AKR7A3: variants seen among roughly 807,000 people sequenced by gnomAD.
AKR7A3 encodes AFB1 aldehyde reductase 2.
Under a neutral mutation model 32.5 loss-of-function variants are expected in AKR7A3, and 37 were observed. That is an observed-to-expected ratio of 1.14 (90% CI 0.88 to 1.50). The LOEUF (loss-of-function observed/expected upper bound fraction) is 1.50, where lower values mean the gene tolerates loss of function less well. Ranked by LOEUF, AKR7A3 falls within the 40% of genes most tolerant of loss-of-function variation. The probability of loss-of-function intolerance (pLI) is 0.00; values close to 1 mark genes in which losing one functional copy is unlikely to be tolerated. For missense variants in AKR7A3, 412 were observed against 453.2 expected (o/e 0.91, Z 0.83); for synonymous variants, 177 against 188.4 (o/e 0.94, Z 0.50).
At chr1:19,275,857 C>A in the AKR7A3 span, among the ~76,000 whole-genome samples, 3 of 151,682 alleles carry the variant, frequency 2.0e-5, no homozygotes, top group Non-Finnish European at 4.4e-5. Flanking sequence ...AAAGAGGGAC[C>A]TATCATAATG....
At chr1:19,274,360 G>C in the AKR7A3 span, among the ~76,000 whole-genome samples, 1 of 151,894 alleles carries the variant, frequency 6.6e-6, no homozygotes, top group South Asian at 2.1e-4. Context: ...GTCCGCAAGG[G>C]TGAGGGGGTC....
At position 19,286,121 on chromosome 1, in the gene AKR7A3, C is replaced by G. The variant is rs1442133393; in HGVS notation, c.402+64G>C. On this transcript the variant is annotated intron_variant, in intron 2 of 6. Transcript: ENST00000361640. ...AACAGCCCTGGTGCCTCTGCTCTCA[C>G]CATTAGGATCAGGATAAGGAGAGCA... 2.8e-5 allele frequency: 45 copies of G among 1,597,104 alleles called. No individual in the cohort carries two copies. The Middle Eastern group carries it at 5.5e-4, about 19-fold the overall frequency.
At chr1:19,280,563 G>GTTTCT (rs796902568), downstream of AKR7A3, among the ~76,000 whole-genome samples, 26 of 141,994 alleles carry the variant, frequency 1.8e-4, 1 homozygote, top group East Asian at 6.4e-4. Flanking sequence ...GGTTCTTTTC[G>GTTTCT]TTTCTTTTCT....
At chr1:19,274,899 C>CAAAAAAA in the AKR7A3 span, among the ~76,000 whole-genome samples, 21 of 44,312 alleles carry the variant, frequency 4.7e-4, 1 homozygote, top group African/African-American at 1.4e-3. Context: ...TCTCTAAATA[C>CAAAAAAA]AAAAAAAAAA....
At chr1:19,287,352 T>G (rs2093732540) in intron 1 of AKR7A3, among the ~76,000 whole-genome samples, 1 of 149,978 alleles carries the variant, frequency 6.7e-6, no homozygotes. Context: ...TCTCACTGAG[T>G]GGCAGCCGGG....
intron 1 of AKR7A3, among the ~76,000 whole-genome samples, chr1:19,286,691 C>A (rs1236155065): frequency 6.6e-6 from 1 of 151,556 alleles, no homozygotes; most frequent in African/African-American, 2.4e-5. Flanking sequence ...AACAAACAAA[C>A]AAAACAAACA....
At position 19,288,485 on chromosome 1, in the gene AKR7A3, G is replaced by T. The variant is rs773240088; in HGVS notation, c.214+11C>A. Reference sequence around the variant, plus strand: ...GCACCGTGCAGGGGGAGGATCAGGGGCCACTGTTACCTCTGCAGTCGCTGC... The same window carrying T: ...GCACCGTGCAGGGGGAGGATCAGGGTCCACTGTTACCTCTGCAGTCGCTGC... On this transcript the variant is annotated intron_variant, in intron 1 of 6. Transcript: ENST00000361640. 5.0e-6 allele frequency: 8 copies of T among 1,610,050 alleles called. No homozygotes were observed. The highest frequency in any genetic ancestry group is 1.3e-5 in the African/African-American group (1 of 74,942).
At chr1:19,276,360 C>CA in the AKR7A3 span, among the ~76,000 whole-genome samples, 90,109 of 111,198 alleles carry the variant, frequency 0.81, 36,261 homozygotes, top group South Asian at 0.86. Context: ...GACTCCATCT[C>CA]AAAAAAAAAA....
chr1:19,277,154 G>C, the AKR7A3 span, among the ~76,000 whole-genome samples: 1 of 151,454 alleles, frequency 6.6e-6, no homozygotes, highest in Non-Finnish European at 1.5e-5. Context: ...AAATTTGAAA[G>C]GATTTAAATA....
chr1:19,277,784 G>T (rs2093713276), downstream of AKR7A3, among the ~76,000 whole-genome samples: 5 of 151,910 alleles, frequency 3.3e-5, no homozygotes, highest in South Asian at 1.0e-3. Flanking sequence ...GCCTCCCAAA[G>T]TGCTGGGATT....
rs1284774566 is a variant in AKR7A3 at position 19,285,075 on chromosome 1, G to A, written c.547C>T (p.Leu183Phe). Residue 183 changes from leucine to phenylalanine, a missense_variant, in exon 4 of 7, where the codon CTC becomes TTC. Transcript: ENST00000361640. ...NAITRQVETE[L>F]FPCLRHFGLR... ...CCAAAGTGCCTGAGGCAGGGGAAGA[G>A]CTCCGTTTCCACCTGCCGGGTGATG... is the stretch of plus-strand genomic sequence containing the variant. 6.2e-7 allele frequency: 1 copy of A among 1,613,472 alleles called. No individual in the cohort carries two copies. Among genetic ancestry groups the A allele is most frequent in the Non-Finnish European group, 8.5e-7 (1 of 1,179,842 alleles).
In AKR7A3 at chr1:19,285,894, C is replaced by T; in HGVS notation, c.501G>A (p.Val167=). The T allele has an allele frequency of 6.2e-7, 1 of 1,613,678 alleles. No individual in the cohort carries two copies. The highest frequency in any genetic ancestry group is 8.5e-7 in the Non-Finnish European group (1 of 1,179,860). ...CKSNGWILPT[V]YQGMYNAITR... ...CTGCAGCCCTGGCTCTCACCTGGTACACAGTGGGCAGGATCCAGCCGTTGC... is the reference window on the plus strand; with the variant it reads ...CTGCAGCCCTGGCTCTCACCTGGTATACAGTGGGCAGGATCCAGCCGTTGC... The change falls in exon 3 of 7, where the codon GTG becomes GTA. Residue 167 remains valine (V), a synonymous_variant. Coordinates refer to ENST00000361640, the MANE Select transcript of AKR7A3 (RefSeq NM_012067.3).
chr1:19,278,486 AG>A (rs1016017421), downstream of AKR7A3, among the ~76,000 whole-genome samples: 20 of 151,736 alleles, frequency 1.3e-4, no homozygotes, highest in Non-Finnish European at 2.9e-4. Flanking sequence ...GGTTGAACCC[AG>A]GAGGCGGAGG....
At position 19,284,485 on chromosome 1, in the gene AKR7A3, C is replaced by A. The variant is rs74058530; in HGVS notation, c.704+201G>T. On this transcript the variant is annotated intron_variant, in intron 5 of 6. Coordinates refer to ENST00000361640, the MANE Select transcript of AKR7A3 (RefSeq NM_012067.3). Reference sequence around the variant, plus strand: ...CAGGAAAGAGCAACGACTTCAAGACCCCGAGGTCCAGGGAGTCTCCTTTCC... The same window carrying A: ...CAGGAAAGAGCAACGACTTCAAGACACCGAGGTCCAGGGAGTCTCCTTTCC... 3.0e-4 allele frequency among the ~76,000 whole-genome samples: 45 copies of A among 151,932 alleles called. 2 individuals carry two copies. The highest frequency in any genetic ancestry group is 1.0e-3 in the African/African-American group (42 of 41,254).
the AKR7A3 span, among the ~76,000 whole-genome samples, chr1:19,275,140 G>A: frequency 4.6e-5 from 7 of 151,866 alleles, no homozygotes; most frequent in Non-Finnish European, 7.3e-5. Context: ...GCCAGGCGGA[G>A]TGGTTCATGC....
At chr1:19,281,340 T>G (rs1275236206), downstream of AKR7A3, among the ~76,000 whole-genome samples, 1 of 151,850 alleles carries the variant, frequency 6.6e-6, no homozygotes, top group Non-Finnish European at 1.5e-5. Flanking sequence ...AACTTCTGTG[T>G]TCTCAAAAAA....
rs2093729286 is a variant in AKR7A3 at position 19,286,115 on chromosome 1, C to T, written c.402+70G>A. 2.1e-5 allele frequency: 34 copies of T among 1,594,618 alleles called. 1 individual carries two copies. Among genetic ancestry groups the T allele is most frequent in the African/African-American group, 2.7e-5 (2 of 73,768 alleles). On this transcript the variant is annotated intron_variant, in intron 2 of 6. Coordinates refer to ENST00000361640, the MANE Select transcript of AKR7A3 (RefSeq NM_012067.3). Reference sequence around the variant, plus strand: ...CCCTGGAACAGCCCTGGTGCCTCTGCTCTCACCATTAGGATCAGGATAAGG... The same window carrying T: ...CCCTGGAACAGCCCTGGTGCCTCTGTTCTCACCATTAGGATCAGGATAAGG...
At position 19,288,759 on chromosome 1, in the gene AKR7A3, C is replaced by G. The variant is rs1325067424; in HGVS notation, c.-50G>C. The G allele has an allele frequency of 5.0e-6, 7 of 1,412,450 alleles. No individual in the cohort carries two copies. The highest frequency in any genetic ancestry group is 2.9e-5 in the Admixed American group (1 of 34,362). The allele number at this position is 1,412,450 out of a possible 1,614,324, so 87.5% of individuals were successfully genotyped here. ...CAGCCCAGGAGCCGCGCGCAGCGGT[C>G]GGAAGCACCAGGCTCGGAGCGGGCG... is the stretch of plus-strand genomic sequence containing the variant. On this transcript the variant is annotated 5_prime_UTR_variant, in exon 1 of 7. Transcript: ENST00000361640.
At position 19,282,891 on chromosome 1, in the gene AKR7A3, C is replaced by A; in HGVS notation, c.836G>T (p.Gly279Val). 1.2e-6 allele frequency: 2 copies of A among 1,611,280 alleles called. No homozygotes were observed. The highest frequency in any genetic ancestry group is 8.5e-7 in the Non-Finnish European group (1 of 1,178,616). ...CAGGATGACCGCGTCCCCGTGGGCA[C>A]CCTGCAAGGGAGACGGCCAGACTTC... ...RWMYHHSQLQ[G>V]AHGDAVILGM... Residue 279 changes from glycine (G) to valine (V), a missense_variant and splice_region_variant, in exon 7 of 7, where the codon GGT becomes GTT. By Grantham distance (109) the Gly-to-Val change is moderately radical. Coordinates refer to ENST00000361640, the MANE Select transcript of AKR7A3 (RefSeq NM_012067.3).
Sources: gnomAD v4.1 joint callset for allele counts (sites outside exome capture counted in the v4.1 genomes callset) on GRCh38, gnomAD v4.1.1 for gene constraint, MANE v1.5 for transcripts, NCBI Gene and HGNC (gene_info 2026-07-23, HGNC 2026-07-21) for gene names.